PRR5L: variants seen among roughly 807,000 people sequenced by gnomAD.
PRR5L encodes the protein proline rich 5 like.
PRR5L carries 21 observed loss-of-function variants against 36.4 expected under a neutral mutation model. That is an observed-to-expected ratio of 0.58 (90% confidence interval 0.41 to 0.83). PRR5L has a LOEUF of 0.83. Ranked by LOEUF, PRR5L falls within the 40% of genes least tolerant of loss-of-function variation. The pLI is 0.00. For missense variants in PRR5L, 381 were observed against 473.3 expected (o/e 0.80, Z 1.81); for synonymous variants, 188 against 197.0 (o/e 0.95, Z 0.38).
At chr11:36,391,349 C>T (rs1049659066) in intron 1 of PRR5L, among the ~76,000 whole-genome samples, 1 of 152,210 alleles carries the variant, frequency 6.6e-6, no homozygotes, top group African/African-American at 2.4e-5. Context: ...TGCCCCATCT[C>T]CATGCCCTGG....
chr11:36,299,548 T>A (rs1337112537), intron 1 of PRR5L, among the ~76,000 whole-genome samples: 2 of 152,228 alleles, frequency 1.3e-5, no homozygotes, highest in Non-Finnish European at 2.9e-5. Flanking sequence ...CTTTGAAACA[T>A]GTCTTTTGTC....
Position 36,350,954 on chromosome 11 carries a change from A to ATATATATTTATATATTTATATATATT in PRR5L, c.-125-50010_-125-49985dup, listed in dbSNP as rs1856928332. On this transcript the variant is annotated intron_variant, in intron 1 of 8. Transcript: ENST00000530639. ...TTTATATATTTATATATATATATTT[A>ATATATATTTATATATTTATATATATT]TATATATTTATATATTTATATATAT... Among the ~76,000 whole-genome samples, 16 of 13,996 alleles carry ATATATATTTATATATTTATATATATT rather than the reference A, an allele frequency of 1.1e-3. 1 individual carries two copies. The highest frequency in any genetic ancestry group is 3.3e-3 in the African/African-American group (16 of 4,830). The allele number at this position is 13,996 out of a possible 152,430, so 9.2% of individuals were successfully genotyped here.
Position 36,377,644 on chromosome 11 carries a change from C to G in PRR5L, c.-125-23353C>G, listed in dbSNP as rs1857297302. On this transcript the variant is annotated intron_variant, in intron 1 of 8. Coordinates refer to ENST00000530639, the MANE Select transcript of PRR5L (RefSeq NM_001160167.2). This position sits in a 1 kb window ranked among gnomAD's most constrained non-coding sequence, Gnocchi z 5.1. ...GGGGTTACCCCCAGTTCTACCCAGT[C>G]CCTGTCCTCGGTCACATGCTGCCGC... The G allele has an allele frequency of 6.6e-6, 1 of 152,514 alleles. No individual in the cohort carries two copies. Among genetic ancestry groups the G allele is most frequent in the African/African-American group, 2.4e-5 (1 of 41,480 alleles). The allele number at this position is 152,514 out of a possible 1,614,324, so 9.4% of individuals were successfully genotyped here.
At chr11:36,316,560 T>A (rs1276362909) in intron 1 of PRR5L, among the ~76,000 whole-genome samples, 1 of 151,980 alleles carries the variant, frequency 6.6e-6, no homozygotes, top group East Asian at 1.9e-4. Context: ...TGAAATGAGG[T>A]TTTCTTGCTG....
chr11:36,336,753 T>A (rs572497823), intron 1 of PRR5L, among the ~76,000 whole-genome samples: 27 of 152,216 alleles, frequency 1.8e-4, no homozygotes, highest in African/African-American at 5.3e-4. Context: ...AATGTCTGCT[T>A]CCCATTTAGA....
At chr11:36,370,608 G>T (rs185501880) in intron 1 of PRR5L, among the ~76,000 whole-genome samples, 1 of 152,158 alleles carries the variant, frequency 6.6e-6, no homozygotes, top group East Asian at 1.9e-4. Flanking sequence ...GAGGCCGGGC[G>T]AGGTGGCTCA....
At chr11:36,301,824 G>T (rs901914683) in intron 1 of PRR5L, among the ~76,000 whole-genome samples, 4 of 152,118 alleles carry the variant, frequency 2.6e-5, no homozygotes, top group African/African-American at 9.7e-5. Context: ...TGATATTAGA[G>T]AATTATTAAT....
intron 4 of PRR5L, among the ~76,000 whole-genome samples, chr11:36,420,216 G>T (rs1245291604): frequency 6.6e-6 from 1 of 152,214 alleles, no homozygotes; most frequent in Non-Finnish European, 1.5e-5. Context: ...TCACCTCCCT[G>T]TGCCTCAGTT....
chr11:36,330,997 G>A (rs937026849), intron 1 of PRR5L, among the ~76,000 whole-genome samples: 2 of 151,976 alleles, frequency 1.3e-5, no homozygotes, highest in Non-Finnish European at 2.9e-5. Context: ...GTAGAGATGG[G>A]GTTACACCAT....
At position 36,401,265 on chromosome 11, in the gene PRR5L, C is replaced by T. The variant is rs1857788777; in HGVS notation, c.144C>T (p.Ser48=). 6 of 1,612,142 alleles carry T rather than the reference C, an allele frequency of 3.7e-6. No individual in the cohort carries two copies. The East Asian group carries it at 1.3e-4, about 36-fold the overall frequency. ...FQAARQALQL[S]SSSAWNSVQT... ...CAGCTCGGCAGGCTCTGCAGCTGAG[C>T]TCCAGCTCAGCCTGGAACAGGTGAA... is the stretch of plus-strand genomic sequence containing the variant. The change falls in exon 2 of 9, where the codon AGC becomes AGT. Residue 48 remains serine, a synonymous_variant. Coordinates refer to ENST00000530639, the MANE Select transcript of PRR5L (RefSeq NM_001160167.2).
chr11:36,315,242 A>T (rs76077982), intron 1 of PRR5L, among the ~76,000 whole-genome samples: 2,666 of 152,328 alleles, frequency 0.018, 39 homozygotes, highest in Admixed American at 0.028. Flanking sequence ...GAGATACTGC[A>T]TGCAAAAACA....
chr11:36,346,992 A>G (rs1413843998), intron 1 of PRR5L, among the ~76,000 whole-genome samples: 2 of 152,248 alleles, frequency 1.3e-5, no homozygotes, highest in Non-Finnish European at 2.9e-5. Flanking sequence ...TACAAAAGCA[A>G]GCAGTGGATC....
At chr11:36,392,672 G>C (rs1170614594) in intron 1 of PRR5L, among the ~76,000 whole-genome samples, 1 of 152,168 alleles carries the variant, frequency 6.6e-6, no homozygotes, top group Non-Finnish European at 1.5e-5. Flanking sequence ...GGCTAGGGAG[G>C]CCTCAGGAAA....
At chr11:36,346,379 C>T (rs540835223) in intron 1 of PRR5L, among the ~76,000 whole-genome samples, 4 of 152,066 alleles carry the variant, frequency 2.6e-5, no homozygotes, top group Non-Finnish European at 5.9e-5. Flanking sequence ...GTCAGGAGAT[C>T]GAGACCATCC....
intron 1 of PRR5L, among the ~76,000 whole-genome samples, chr11:36,339,429 A>G (rs1165923190): frequency 1.3e-5 from 2 of 152,230 alleles, no homozygotes; most frequent in Non-Finnish European, 2.9e-5. Flanking sequence ...TATATTAAGT[A>G]CTTTGTAAAT....
chr11:36,460,413 C>T (rs1348573070), intron 8 of PRR5L, among the ~76,000 whole-genome samples: 1 of 152,072 alleles, frequency 6.6e-6, no homozygotes, highest in Non-Finnish European at 1.5e-5. Context: ...TCTGCCGTTC[C>T]TTTGTTCTGT....
rs1378406365 is a variant in PRR5L, at chr11:36,450,004, A to C, written c.586-1205A>C. 2.0e-5 allele frequency among the ~76,000 whole-genome samples: 3 copies of C among 152,006 alleles called. No individual in the cohort carries two copies. The East Asian group carries it at 5.8e-4, about 29-fold the overall frequency. On this transcript the variant is annotated intron_variant, in intron 7 of 8. Coordinates refer to ENST00000530639, the MANE Select transcript of PRR5L (RefSeq NM_001160167.2). ...CTTCTGGCCCTGTTTCTACCTCCAA[A>C]TCTGCACCATAGCCCCATCCTCAGC...
intron 1 of PRR5L, among the ~76,000 whole-genome samples, chr11:36,298,824 G>A (rs1856342673): frequency 6.6e-6 from 1 of 152,214 alleles, no homozygotes. Flanking sequence ...TTGGCTTGTG[G>A]ATGGCCACCT....
At chr11:36,358,470 G>A (rs149940583) in intron 1 of PRR5L, among the ~76,000 whole-genome samples, 1 of 152,216 alleles carries the variant, frequency 6.6e-6, no homozygotes, top group African/African-American at 2.4e-5. Context: ...TTTTTTAGCC[G>A]TATTTTTAAA....
Sources: allele counts gnomAD v4.1 joint callset (sites outside exome capture counted in the v4.1 genomes callset), GRCh38; gene constraint gnomAD v4.1.1; non-coding constraint Gnocchi (gnomAD v3.1); transcripts MANE v1.5; gene names NCBI Gene and HGNC (gene_info 2026-07-23, HGNC 2026-07-21).